Variants in SYT1 observed in about 807,000 individuals in gnomAD.
SYT1 encodes the protein synaptotagmin-1.
Under a neutral mutation model 44.8 loss-of-function variants are expected in SYT1, and 8 were observed. The observed-to-expected ratio is 0.18, with a 90% CI of 0.10 to 0.32. SYT1 has a LOEUF of 0.32. SYT1 is among the 10% of genes least tolerant of loss of function. The probability of loss-of-function intolerance (pLI) is 1.00; values close to 1 mark genes in which losing one functional copy is unlikely to be tolerated. For synonymous variants in SYT1, 154 were observed against 188.8 expected, an observed-to-expected ratio of 0.82 and a Z score of 1.51; for missense variants, 286 against 509.3, an observed-to-expected ratio of 0.56 and a Z score of 4.22.
At chr12:79,122,492 C>CA (rs1282491972) in intron 3 of SYT1, among the ~76,000 whole-genome samples, 42 of 103,900 alleles carry the variant, frequency 4.0e-4, no homozygotes, top group African/African-American at 1.6e-3. Context: ...CCAGCCTGGG[C>CA]GACAGAGCGA....
intron 9 of SYT1, among the ~76,000 whole-genome samples, chr12:79,425,964 C>T (rs190976281): frequency 2.0e-5 from 3 of 152,048 alleles, no homozygotes; most frequent in Admixed American, 2.0e-4. Flanking sequence ...AATATTATGT[C>T]TACTCTCTTA....
At chr12:79,441,244 C>T (rs552726021) in intron 9 of SYT1, among the ~76,000 whole-genome samples, 1 of 151,784 alleles carries the variant, frequency 6.6e-6, no homozygotes, top group South Asian at 2.1e-4. Flanking sequence ...CGAGACTTCC[C>T]GTTTATAGCA....
chr12:79,329,647 T>C (rs1381979293), intron 8 of SYT1, among the ~76,000 whole-genome samples: 1 of 152,070 alleles, frequency 6.6e-6, no homozygotes, highest in African/African-American at 2.4e-5. Flanking sequence ...TTTTATACAA[T>C]AGGAAACAAG....
intron 2 of SYT1, among the ~76,000 whole-genome samples, chr12:78,996,685 G>A (rs1870402225): frequency 1.3e-5 from 2 of 152,178 alleles, no homozygotes. Context: ...ATGCCGTGGA[G>A]TTCCATGCCA....
At chr12:78,903,292 A>T (rs1019904898) in intron 1 of SYT1, among the ~76,000 whole-genome samples, 1 of 151,252 alleles carries the variant, frequency 6.6e-6, no homozygotes, top group East Asian at 1.9e-4. Context: ...TATTATATGT[A>T]TATATATTTT....
At chr12:79,295,388 T>A (rs1233731938) in intron 6 of SYT1, among the ~76,000 whole-genome samples, 1 of 152,096 alleles carries the variant, frequency 6.6e-6, no homozygotes, top group Non-Finnish European at 1.5e-5. Flanking sequence ...AAAAACACAG[T>A]TACTCACCAT....
intron 2 of SYT1, among the ~76,000 whole-genome samples, chr12:79,043,822 G>A (rs1208801659): frequency 4.6e-5 from 7 of 152,112 alleles, no homozygotes; most frequent in Non-Finnish European, 8.8e-5. Flanking sequence ...GGCGGGCCTG[G>A]TGGTGACAAA....
At chr12:79,287,975 G>A (rs1014948891) in intron 5 of SYT1, among the ~76,000 whole-genome samples, 2 of 152,138 alleles carry the variant, frequency 1.3e-5, no homozygotes, top group African/African-American at 4.8e-5. Context: ...ATTTTAGGTA[G>A]AGCACTTTGT....
chr12:79,044,030 C>T (rs1469371940), intron 2 of SYT1, among the ~76,000 whole-genome samples: 1 of 152,090 alleles, frequency 6.6e-6, no homozygotes, highest in African/African-American at 2.4e-5. Context: ...TTGTGGGTAA[C>T]CCAACCTTTC....
intron 8 of SYT1, chr12:79,341,314 G>A (rs185364244): frequency 1.6e-4 from 25 of 152,226 alleles, no homozygotes; most frequent in African/African-American, 4.8e-4. Context: ...TGGCAGGTAG[G>A]GCTCTGCTTT....
intron 3 of SYT1, among the ~76,000 whole-genome samples, chr12:79,095,188 T>C (rs1178700232): frequency 1.4e-4 from 22 of 151,922 alleles, no homozygotes; most frequent in Admixed American, 1.4e-3. Context: ...TCAAGAGTTA[T>C]ACAAATTCAA....
intron 2 of SYT1, among the ~76,000 whole-genome samples, chr12:78,981,078 G>A (rs1869215867): frequency 6.6e-6 from 1 of 151,102 alleles, no homozygotes; most frequent in Non-Finnish European, 1.5e-5. Flanking sequence ...TGTATTCAAT[G>A]GTTTGTTTGT....
chr12:78,885,347 G>C (rs1874683198), intron 1 of SYT1, among the ~76,000 whole-genome samples: 1 of 147,744 alleles, frequency 6.8e-6, no homozygotes, highest in Non-Finnish European at 1.5e-5. Flanking sequence ...AAGAAAGGAA[G>C]GAAGGAACGA....
At chr12:79,374,024 A>G (rs1312168655) in intron 9 of SYT1, among the ~76,000 whole-genome samples, 5 of 152,224 alleles carry the variant, frequency 3.3e-5, no homozygotes, top group Non-Finnish European at 7.3e-5. Context: ...AGCGCAATAC[A>G]TAGAAAAATG....
intron 3 of SYT1, among the ~76,000 whole-genome samples, chr12:79,052,746 A>G (rs1874606861): frequency 6.6e-6 from 1 of 152,208 alleles, no homozygotes; most frequent in Admixed American, 6.5e-5. Context: ...GCCAACAGAC[A>G]CATGAAAAAA....
intron 8 of SYT1, among the ~76,000 whole-genome samples, chr12:79,348,263 C>T (rs1302175325): frequency 6.6e-6 from 1 of 152,134 alleles, no homozygotes; most frequent in East Asian, 1.9e-4. Flanking sequence ...TGCAGAGAGG[C>T]TATTATGAGG....
intron 1 of SYT1, among the ~76,000 whole-genome samples, chr12:78,973,935 AAAAATATATATATATATATAT>A (rs1565743923): frequency 1.9e-4 from 5 of 26,534 alleles, no homozygotes; most frequent in Non-Finnish European, 2.5e-4. Context: ...AAAAAAAAAA[AAAAATATATATATATATATAT>A]ATATATATAT....
intron 8 of SYT1, among the ~76,000 whole-genome samples, chr12:79,343,457 A>C (rs1448363514): frequency 6.6e-6 from 1 of 152,226 alleles, no homozygotes; most frequent in Non-Finnish European, 1.5e-5. Context: ...CTCCATCACT[A>C]TTCTTCCATT....
intron 3 of SYT1, among the ~76,000 whole-genome samples, chr12:79,191,100 A>AATATATAT (rs35534550): frequency 6.7e-6 from 1 of 149,696 alleles, no homozygotes; most frequent in South Asian, 2.1e-4. Flanking sequence ...CATAAATATA[A>AATATATAT]ATATATATAT....
Sources: gnomAD v4.1 joint callset for allele counts (sites outside exome capture counted in the v4.1 genomes callset) on GRCh38, gnomAD v4.1.1 for gene constraint, MANE v1.5 for transcripts, NCBI Gene and HGNC (gene_info 2026-07-23, HGNC 2026-07-21) for gene names.